The following COL25A1 variants were observed in gnomAD, a reference collection of about 807,000 sequenced individuals.
COL25A1 encodes the protein collagen alpha-1(XXV) chain.
COL25A1 carries 103 observed loss-of-function variants against 128.4 expected under a neutral mutation model. The observed-to-expected ratio is 0.80, with a 90% confidence interval of 0.68 to 0.94. COL25A1 has a LOEUF of 0.94. COL25A1 is among the 40% of genes least tolerant of loss of function. COL25A1 has a pLI of 0.00. For synonymous variants in COL25A1, 279 were observed against 277.2 expected (o/e 1.01, Z -0.06); for missense variants, 745 against 840.0 (o/e 0.89, Z 1.40).
intron 33 of COL25A1, among the ~76,000 whole-genome samples, chr4:108,826,658 T>A (rs1185430520): frequency 6.6e-6 from 1 of 152,222 alleles, no homozygotes; most frequent in Admixed American, 6.5e-5. Context: ...CAAGTCGTCA[T>A]AAATATCAAT....
At position 108,863,317 on chromosome 4, in the gene COL25A1, A is replaced by G; in HGVS notation, c.1152+2T>C. The stretch of plus-strand genomic sequence containing the variant: ...TTATTTTCCAGTTTAAGAATAACTC[A>G]CCTTTGGTCCGGGGGCTCCAGGTTC... On this transcript the variant is annotated splice_donor_variant, in intron 21 of 37. Coordinates refer to ENST00000399132, the MANE Select transcript of COL25A1 (RefSeq NM_198721.4). LOFTEE classifies it high-confidence loss of function. 1.2e-6 allele frequency: 2 copies of G among 1,613,376 alleles called. No individual in the cohort carries two copies. The highest frequency in any genetic ancestry group is 4.5e-5 in the East Asian group (2 of 44,842).
At chr4:108,915,490 C>A (rs1744765778) in intron 13 of COL25A1, among the ~76,000 whole-genome samples, 1 of 152,174 alleles carries the variant, frequency 6.6e-6, no homozygotes, top group African/African-American at 2.4e-5. Flanking sequence ...CATGGGCCAC[C>A]TTTCCTGGCC....
intron 5 of COL25A1, among the ~76,000 whole-genome samples, chr4:109,046,795 T>A (rs1760468840): frequency 1.3e-5 from 2 of 152,216 alleles, no homozygotes; most frequent in South Asian, 4.1e-4. Context: ...GCTGGCCTGT[T>A]AGATAAGTTG....
chr4:108,814,702 T>C (rs1731088732), intron 37 of COL25A1, among the ~76,000 whole-genome samples: 2 of 152,182 alleles, frequency 1.3e-5, no homozygotes, highest in South Asian at 2.1e-4. Flanking sequence ...AGAGACGTCC[T>C]TGACATTGGG....
At chr4:108,976,878 T>C (rs1169587942) in intron 6 of COL25A1, among the ~76,000 whole-genome samples, 1 of 152,224 alleles carries the variant, frequency 6.6e-6, no homozygotes, top group African/African-American at 2.4e-5. Context: ...TCTTTTACCA[T>C]TGACAAGAAA....
chr4:109,116,778 G>C (rs115749067), intron 3 of COL25A1, among the ~76,000 whole-genome samples: 2,174 of 152,084 alleles, frequency 0.014, 35 homozygotes, highest in African/African-American at 0.04. Context: ...TGCAAGGAGA[G>C]ATGATTAATG....
intron 3 of COL25A1, among the ~76,000 whole-genome samples, chr4:109,224,286 A>C (rs975675436): frequency 6.6e-6 from 1 of 152,206 alleles, no homozygotes; most frequent in African/African-American, 2.4e-5. Flanking sequence ...AAATATCAAA[A>C]AAAGGTCATT....
At chr4:109,240,058 T>C (rs1779782421) in intron 3 of COL25A1, among the ~76,000 whole-genome samples, 1 of 152,092 alleles carries the variant, frequency 6.6e-6, no homozygotes, top group African/African-American at 2.4e-5. Flanking sequence ...GTGATAGCAA[T>C]GCCTTCTTCT....
intron 3 of COL25A1, among the ~76,000 whole-genome samples, chr4:109,239,968 C>T (rs1779775076): frequency 6.6e-6 from 1 of 152,006 alleles, no homozygotes; most frequent in African/African-American, 2.4e-5. Context: ...GGATGATCAA[C>T]ATCACTGTCT....
intron 3 of COL25A1, among the ~76,000 whole-genome samples, chr4:109,263,850 A>T (rs1235179434): frequency 6.6e-6 from 1 of 152,202 alleles, no homozygotes. Flanking sequence ...AGGAAAAACA[A>T]AACGGCACAC....
At chr4:108,826,043 G>T (rs1732340167) in intron 33 of COL25A1, among the ~76,000 whole-genome samples, 1 of 151,490 alleles carries the variant, frequency 6.6e-6, no homozygotes, top group Non-Finnish European at 1.5e-5. Flanking sequence ...TCTTTTTTTT[G>T]ATTTAGCACT....
chr4:109,065,542 G>GCA (rs1560624968), intron 3 of COL25A1, among the ~76,000 whole-genome samples: 5 of 133,518 alleles, frequency 3.7e-5, no homozygotes, highest in African/African-American at 1.4e-4. Flanking sequence ...ACGCGCGCGC[G>GCA]CGCGTGTGTG....
At chr4:109,236,600 T>C (rs1779495203) in intron 3 of COL25A1, among the ~76,000 whole-genome samples, 1 of 152,116 alleles carries the variant, frequency 6.6e-6, no homozygotes. Context: ...GACTGCTAAA[T>C]ATTGTTTATA....
intron 3 of COL25A1, among the ~76,000 whole-genome samples, chr4:109,087,632 C>T (rs572855486): frequency 8.5e-5 from 13 of 152,334 alleles, no homozygotes; most frequent in Admixed American, 7.8e-4. Flanking sequence ...ATACTACTGA[C>T]TGATCTGTTT....
intron 5 of COL25A1, among the ~76,000 whole-genome samples, chr4:109,044,088 AGTGTGT>A (rs142400635): frequency 0.21 from 31,642 of 149,538 alleles, 4,376 homozygotes; most frequent in African/African-American, 0.39. Flanking sequence ...CTCCTCTGAT[AGTGTGT>A]GTGTGTGTGT....
At chr4:108,991,125 T>G (rs1217251565) in intron 6 of COL25A1, among the ~76,000 whole-genome samples, 2 of 152,180 alleles carry the variant, frequency 1.3e-5, no homozygotes, top group Non-Finnish European at 2.9e-5. Context: ...ATTCAGGGAG[T>G]GATAACAGCT....
intron 3 of COL25A1, among the ~76,000 whole-genome samples, chr4:109,222,176 G>A (rs1778477187): frequency 7.0e-6 from 1 of 142,154 alleles, no homozygotes; most frequent in African/African-American, 2.7e-5. Flanking sequence ...TGATTCTCCT[G>A]CCTCAGCCTC....
chr4:108,913,696 T>C (rs1744531890), intron 13 of COL25A1, among the ~76,000 whole-genome samples: 1 of 152,176 alleles, frequency 6.6e-6, no homozygotes, highest in Non-Finnish European at 1.5e-5. Context: ...AGAGTTTTAA[T>C]AACACCTTTT....
At chr4:109,235,347 A>C (rs72672611) in intron 3 of COL25A1, among the ~76,000 whole-genome samples, 9 of 152,234 alleles carry the variant, frequency 5.9e-5, no homozygotes, top group Non-Finnish European at 1.3e-4. Flanking sequence ...AAAACCTCCA[A>C]TATATTCCTG....
Sources: gnomAD v4.1 joint callset for allele counts (sites outside exome capture counted in the v4.1 genomes callset) on GRCh38, gnomAD v4.1.1 for gene constraint, MANE v1.5 for transcripts, NCBI Gene and HGNC (gene_info 2026-07-23, HGNC 2026-07-21) for gene names.